The following SPART variants were observed in gnomAD, a reference collection of about 807,000 sequenced individuals.
SPART encodes the protein spartin.
SPART carries 35 observed loss-of-function variants against 58.7 expected under a neutral mutation model. That is an observed-to-expected ratio of 0.60 (90% CI 0.46 to 0.79). SPART has a LOEUF of 0.79. SPART is among the 30% of genes least tolerant of loss of function. SPART has a pLI of 0.00. For synonymous variants in SPART, 284 were observed against 280.7 expected, an observed-to-expected ratio of 1.01 and a Z score of -0.12; for missense variants, 730 against 786.1, an observed-to-expected ratio of 0.93 and a Z score of 0.85.
chr13:36,360,449 G>T lies in SPART; in HGVS notation c.-3+9640C>A, dbSNP rs149538422. Among the ~76,000 whole-genome samples the T allele has an allele frequency of 1.6e-3, 250 of 151,852 alleles. 1 individual carries two copies. Among genetic ancestry groups the T allele is most frequent in the African/African-American group, 5.9e-3 (243 of 41,410 alleles). On this transcript the variant is annotated intron_variant, in intron 1 of 8. Transcript: ENST00000355182. Reference sequence around the variant, plus strand: ...AGTGTCTTTCAGATTTGGGGATTAGGTAACTAATCCCCAGATGACACTAGG... The same window carrying T: ...AGTGTCTTTCAGATTTGGGGATTAGTTAACTAATCCCCAGATGACACTAGG...
chr13:36,348,297 C>T (rs1037256793), upstream of SPART, among the ~76,000 whole-genome samples: 1 of 151,940 alleles, frequency 6.6e-6, no homozygotes, highest in African/African-American at 2.4e-5. Flanking sequence ...CTGGCCCCCA[C>T]CAAAAAAAGA....
chr13:36,308,721 T>A (rs1465680932), intron 8 of SPART, among the ~76,000 whole-genome samples: 1 of 151,910 alleles, frequency 6.6e-6, no homozygotes, highest in African/African-American at 2.4e-5. Context: ...CTAAAAATAA[T>A]TCACTTTTGG....
chr13:36,349,921 A>C (rs2137688118), upstream of SPART, among the ~76,000 whole-genome samples: 2 of 152,316 alleles, frequency 1.3e-5, no homozygotes. Context: ...TTTTTAAATT[A>C]GTAATTTTTT....
intron 1 of SPART, among the ~76,000 whole-genome samples, chr13:36,368,825 C>T (rs1326660947): frequency 2.0e-5 from 3 of 152,044 alleles, no homozygotes; most frequent in African/African-American, 7.2e-5. Flanking sequence ...ATGGTGAAAC[C>T]CCGTCTCTAC....
chr13:36,314,385 G>C lies in SPART; in HGVS notation c.1325C>G (p.Ala442Gly). The C allele has an allele frequency of 6.2e-7, 1 of 1,613,974 alleles. No homozygotes were observed. Among genetic ancestry groups the C allele is most frequent in the Non-Finnish European group, 8.5e-7 (1 of 1,179,994 alleles). Residue 442 changes from alanine to glycine, a missense_variant, in exon 6 of 9, where the codon GCT (alanine) becomes GGT (glycine). Coordinates refer to ENST00000438666, the MANE Select transcript of SPART (RefSeq NM_015087.5). ...SWVSWGLVKG[A>G]EITGKAIQKG... Reference sequence around the variant, plus strand: ...CTGGATTGCCTTACCAGTAATCTCAGCACCTTTGACTAAACCCCAACTCAC... The same window carrying C: ...CTGGATTGCCTTACCAGTAATCTCACCACCTTTGACTAAACCCCAACTCAC...
rs183232967 is a variant in SPART at position 36,303,480 on chromosome 13, T to C, written c.*885A>G. ...CTTTTTAATAACTTGTCTTTTAATA[T>C]AAATTCCAATGACCGAATCCCAGAA... On this transcript the variant is annotated 3_prime_UTR_variant, in exon 9 of 9. Coordinates refer to ENST00000438666, the MANE Select transcript of SPART (RefSeq NM_015087.5). 18 of 152,264 alleles carry C rather than the reference T, an allele frequency of 1.2e-4. No individual in the cohort carries two copies. Among genetic ancestry groups the C allele is most frequent in the Admixed American group, 7.2e-4 (11 of 15,294 alleles). The allele number at this position is 152,264 out of a possible 1,614,324, so 9.4% of individuals were successfully genotyped here. A position where few individuals can be genotyped will look rare whatever the true frequency, so the allele number is the denominator to read the frequency against.
At chr13:36,341,289 T>C (rs1191641366) in intron 1 of SPART, among the ~76,000 whole-genome samples, 2 of 152,236 alleles carry the variant, frequency 1.3e-5, no homozygotes, top group Non-Finnish European at 2.9e-5. Flanking sequence ...AAGCCACATA[T>C]GTAATTTATA....
At position 36,303,953 on chromosome 13, in the gene SPART, A is replaced by G. The variant is rs2137247658; in HGVS notation, c.*412T>C. On this transcript the variant is annotated 3_prime_UTR_variant, in exon 9 of 9. Transcript: ENST00000438666. ...AAAAGAGGGGACAATACTTTAAGTC[A>G]TTCCTTCTATAAAAAGAATTAAGGT... 2 of 183,056 alleles carry G rather than the reference A, an allele frequency of 1.1e-5. 1 individual carries two copies. Among genetic ancestry groups the G allele is most frequent in the Admixed American group, 1.1e-4 (2 of 18,026 alleles). 11.3% of individuals were successfully genotyped at this position (183,056 alleles called of 1,614,324 possible). A position where few individuals can be genotyped will look rare whatever the true frequency, so the allele number is the denominator to read the frequency against.
rs145787374 is a variant in SPART at position 36,364,008 on chromosome 13, C to T, written c.-3+6081G>A. Among the ~76,000 whole-genome samples, 337 of 152,012 alleles carry T rather than the reference C, an allele frequency of 2.2e-3. 3 individuals are homozygous for T. The highest frequency in any genetic ancestry group is 7.9e-3 in the African/African-American group (327 of 41,452). On this transcript the variant is annotated intron_variant, in intron 1 of 8. Coordinates refer to the SPART transcript ENST00000355182. ...TGCACTCTTTTTTTGGGCTGGGGGA[C>T]GGTATGCAGTAGTATAAAGTTTTAC...
intron 8 of SPART, among the ~76,000 whole-genome samples, chr13:36,308,932 A>C (rs906797559): frequency 1.3e-5 from 2 of 152,076 alleles, no homozygotes; most frequent in African/African-American, 2.4e-5. Context: ...TGTATGTTTT[A>C]TCTCTCAACT....
rs747874028 is a variant in SPART at position 36,326,685 on chromosome 13, G to T, written c.1178C>A (p.Ser393Ter). ...GTGACTCAGGTTAACTTCTTCACTTGAAGTATCTTTAGCCTAAACAGTAAA... is the reference window on the plus strand; with the variant it reads ...GTGACTCAGGTTAACTTCTTCACTTTAAGTATCTTTAGCCTAAACAGTAAA... ...GKRGKRAKDT[S>*]SEEVNLSHIV... Residue 393 changes from serine (S) to a stop codon, truncating the protein, a stop_gained, in exon 5 of 9, where the codon TCA becomes TAA. Transcript: ENST00000438666. LOFTEE classifies it high-confidence loss of function. 1.2e-6 allele frequency: 2 copies of T among 1,612,900 alleles called. No individual in the cohort carries two copies. Among genetic ancestry groups the T allele is most frequent in the South Asian group, 1.1e-5 (1 of 91,026 alleles).
intron 8 of SPART, among the ~76,000 whole-genome samples, chr13:36,309,984 A>G (rs1003782864): frequency 7.2e-5 from 11 of 152,344 alleles, no homozygotes; most frequent in African/African-American, 2.6e-4. Context: ...GATCGAACCA[A>G]TTAAGGATGG....
At chr13:36,312,257 C>A (rs200555178) in intron 7 of SPART, 22 bp from the exon 8 acceptor site, 1 of 1,613,784 alleles carries the variant, frequency 6.2e-7, no homozygotes, top group Admixed American at 1.7e-5. Flanking sequence ...ATATTTAAAA[C>A]GATGTAAATC....
In SPART at chr13:36,343,787, T is replaced by A. The variant is rs1261701032; in HGVS notation, c.-3+2438A>T. On this transcript the variant is annotated intron_variant, in intron 1 of 8. Transcript: ENST00000438666. ...ACTCTTGGAGGTTGATATCTGATTT[T>A]AAAAATGTTTTACAAATATTGAGCA... Among the ~76,000 whole-genome samples, 2 of 152,196 alleles carry A rather than the reference T, an allele frequency of 1.3e-5. 1 individual carries two copies. The highest frequency in any genetic ancestry group is 1.3e-4 in the Admixed American group (2 of 15,282).
chr13:36,304,265 A>T lies in SPART; in HGVS notation c.*100T>A, dbSNP rs1880256855. ...TTAATTTGTAGGAATGAATACATTT[A>T]AAAAATACTGGTTAATCTGTGAGGA... On this transcript the variant is annotated 3_prime_UTR_variant, in exon 9 of 9. Coordinates refer to ENST00000438666, the MANE Select transcript of SPART (RefSeq NM_015087.5). 2 of 1,396,612 alleles carry T rather than the reference A, an allele frequency of 1.4e-6. No individual in the cohort carries two copies. The highest frequency in any genetic ancestry group is 1.0e-6 in the Non-Finnish European group (1 of 991,558). 86.5% of individuals were successfully genotyped at this position (1,396,612 alleles called of 1,614,324 possible).
chr13:36,341,470 A>G (rs1396775460), intron 1 of SPART, among the ~76,000 whole-genome samples: 2 of 152,196 alleles, frequency 1.3e-5, no homozygotes, highest in Non-Finnish European at 2.9e-5. Context: ...AAAACTCAGT[A>G]TGTGTTTTAC....
At chr13:36,341,787 T>C (rs1372577688) in intron 1 of SPART, among the ~76,000 whole-genome samples, 1 of 152,202 alleles carries the variant, frequency 6.6e-6, no homozygotes, top group Non-Finnish European at 1.5e-5. Flanking sequence ...CAACAGAATA[T>C]ATTCAGTACC....
intron 1 of SPART, among the ~76,000 whole-genome samples, chr13:36,351,874 T>C (rs933560883): frequency 2.0e-5 from 3 of 152,206 alleles, no homozygotes; most frequent in Non-Finnish European, 1.5e-5. Context: ...CAGTGGGTAT[T>C]AGAAAACCCA....
Position 36,335,189 on chromosome 13 carries a change from T to A in SPART, c.642A>T (p.Leu214Phe). The A allele has an allele frequency of 6.2e-7, 1 of 1,614,136 alleles. No homozygotes were observed. Reference protein sequence around the residue: ...NHSQPPPLETLGLDADELILI... With the variant: ...NHSQPPPLETFGLDADELILI... ...AAATCAATTCATCTGCATCCAGCCCTAAGGTCTCAAGAGGCGGTGGCTGAG... is the reference window on the plus strand; with the variant it reads ...AAATCAATTCATCTGCATCCAGCCCAAAGGTCTCAAGAGGCGGTGGCTGAG... The change falls in exon 2 of 9, where the codon TTA (leucine) becomes TTT (phenylalanine). Residue 214 changes from leucine (L) to phenylalanine (F), a missense_variant. Coordinates refer to ENST00000438666, the MANE Select transcript of SPART (RefSeq NM_015087.5).
Sources: gnomAD v4.1 joint callset for allele counts (sites outside exome capture counted in the v4.1 genomes callset) on GRCh38, gnomAD v4.1.1 for gene constraint, MANE v1.5 for transcripts, NCBI Gene and HGNC (gene_info 2026-07-23, HGNC 2026-07-21) for gene names.